The following CSMD1 variants were observed in gnomAD, a reference collection of about 807,000 sequenced individuals.
CSMD1 encodes CUB and Sushi multiple domains 1.
In CSMD1, 213 loss-of-function variants were observed where a neutral mutation model predicts 417.5. That is an observed-to-expected ratio of 0.51 (90% CI 0.46 to 0.57). The LOEUF is 0.57. Among genes scored for constraint, CSMD1 ranks in the 20% least tolerant of loss-of-function variants. The pLI is 0.00. For missense variants in CSMD1, 6,923 were observed against 4,529.7 expected, an observed-to-expected ratio of 1.53 and a Z score of -15.17; for synonymous variants, 2,862 against 1,736.8, an observed-to-expected ratio of 1.65 and a Z score of -16.11.
chr8:4,691,536 T>TA (rs1806770593), intron 1 of CSMD1, among the ~76,000 whole-genome samples: 1 of 152,170 alleles, frequency 6.6e-6, no homozygotes, highest in Admixed American at 6.5e-5. Flanking sequence ...ATGAAAAGGG[T>TA]TCTATAGAGC....
Position 3,284,312 on chromosome 8 carries a change from G to C in CSMD1, c.3985C>G (p.His1329Asp), listed in dbSNP as rs1312304242. 6.2e-7 allele frequency: 1 copy of C among 1,613,904 alleles called. No homozygotes were observed. Among genetic ancestry groups the C allele is most frequent in the Non-Finnish European group, 8.5e-7 (1 of 1,179,874 alleles). The change falls in exon 26 of 70, where the codon CAC (histidine) becomes GAC (aspartate). Residue 1329 changes from histidine (H) to aspartate (D), a missense_variant. His to Asp is a moderately conservative substitution (Grantham distance 81). Coordinates refer to ENST00000635120, the MANE Select transcript of CSMD1 (RefSeq NM_033225.6). ...CCGTCCCAGACCTTGAGGATGTCGTGAGCCATCTCCGTGTCGAAAACAATG... is the reference window on the plus strand; with the variant it reads ...CCGTCCCAGACCTTGAGGATGTCGTCAGCCATCTCCGTGTCGAAAACAATG... ...HFIVFDTEMA[H>D]DILKVWDGPV...
intron 3 of CSMD1, among the ~76,000 whole-genome samples, chr8:4,086,269 G>A (rs1585283665): frequency 6.6e-6 from 1 of 152,082 alleles, no homozygotes; most frequent in African/African-American, 2.4e-5. Flanking sequence ...ACCTCCAAGA[G>A]GGAGGGACTT....
chr8:3,742,564 T>G (rs1263670030), intron 6 of CSMD1, among the ~76,000 whole-genome samples: 1 of 152,112 alleles, frequency 6.6e-6, no homozygotes, highest in Non-Finnish European at 1.5e-5. Context: ...GTGAAGAAAG[T>G]GACGCATTGC....
chr8:4,127,079 G>A (rs1802808311), intron 3 of CSMD1, among the ~76,000 whole-genome samples: 2 of 121,126 alleles, frequency 1.7e-5, no homozygotes, highest in South Asian at 2.5e-4. Flanking sequence ...TCAATCTCCT[G>A]TGATTTTTTT....
intron 1 of CSMD1, among the ~76,000 whole-genome samples, chr8:4,846,774 T>C (rs1801171500): frequency 6.6e-6 from 1 of 152,220 alleles, no homozygotes; most frequent in Non-Finnish European, 1.5e-5. Flanking sequence ...ATCTTTTAAC[T>C]AAGTTAGAAA....
At chr8:3,687,537 A>G (rs765795015) in intron 7 of CSMD1, among the ~76,000 whole-genome samples, 5 of 152,222 alleles carry the variant, frequency 3.3e-5, no homozygotes, top group Admixed American at 1.3e-4. Context: ...TTTCTTCCAG[A>G]TATTCTCTGT....
chr8:3,233,657 C>CT (rs1179788721), intron 26 of CSMD1, among the ~76,000 whole-genome samples: 5 of 151,886 alleles, frequency 3.3e-5, no homozygotes, highest in South Asian at 2.1e-4. Flanking sequence ...TTTTTATTCT[C>CT]TTTTTTTTCA....
intron 1 of CSMD1, among the ~76,000 whole-genome samples, chr8:4,657,508 G>C (rs542202958): frequency 1.6e-3 from 239 of 152,038 alleles, no homozygotes; most frequent in Admixed American, 3.5e-3. Flanking sequence ...AGGGACAAAG[G>C]CTTCAAAGAA....
At chr8:3,347,623 C>A (rs71521846) in intron 22 of CSMD1, among the ~76,000 whole-genome samples, 1,803 of 152,296 alleles carry the variant, frequency 0.012, 18 homozygotes, top group Non-Finnish European at 0.017. Flanking sequence ...GTGCTAGACA[C>A]AATGCTAGGA....
At chr8:4,319,620 A>G (rs1263213294) in intron 3 of CSMD1, among the ~76,000 whole-genome samples, 1 of 152,146 alleles carries the variant, frequency 6.6e-6, no homozygotes, top group South Asian at 2.1e-4. Flanking sequence ...GAAGAAAACA[A>G]AAGGGTGAAT....
At chr8:3,107,829 T>G (rs186706134) in intron 44 of CSMD1, 31 bp from the exon 45 acceptor site, 2 of 1,382,268 alleles carry the variant, frequency 1.4e-6, no homozygotes, top group Middle Eastern at 1.8e-4. Context: ...ATAATAATAA[T>G]TGCAATTACA....
chr8:3,352,547 A>G (rs955220616), intron 21 of CSMD1, among the ~76,000 whole-genome samples: 4 of 152,164 alleles, frequency 2.6e-5, no homozygotes, highest in African/African-American at 9.7e-5. Flanking sequence ...TCTTATTACT[A>G]TTACATCATT....
chr8:3,816,018 A>T (rs918136982), intron 5 of CSMD1, among the ~76,000 whole-genome samples: 8 of 152,226 alleles, frequency 5.3e-5, no homozygotes, highest in Admixed American at 5.2e-4. Flanking sequence ...TGGCAGTAAG[A>T]TATTGTCTGT....
At chr8:3,789,266 C>G (rs1289669287) in intron 5 of CSMD1, among the ~76,000 whole-genome samples, 1 of 152,114 alleles carries the variant, frequency 6.6e-6, no homozygotes, top group Non-Finnish European at 1.5e-5. Flanking sequence ...GACTTCCCAG[C>G]CTCCTGAACT....
intron 26 of CSMD1, among the ~76,000 whole-genome samples, chr8:3,255,451 G>A (rs1008030223): frequency 6.6e-6 from 1 of 152,212 alleles, no homozygotes; most frequent in Non-Finnish European, 1.5e-5. Flanking sequence ...TGTTGTCTGT[G>A]CCCTGCCCCC....
intron 3 of CSMD1, among the ~76,000 whole-genome samples, chr8:4,070,337 T>A (rs1049223571): frequency 1.3e-5 from 2 of 152,134 alleles, no homozygotes; most frequent in Non-Finnish European, 2.9e-5. Flanking sequence ...GAAAATGTCT[T>A]CTTATATTAA....
intron 2 of CSMD1, among the ~76,000 whole-genome samples, chr8:4,475,938 T>C (rs1160775012): frequency 6.6e-6 from 1 of 152,162 alleles, no homozygotes. Flanking sequence ...GTTGGTGTTA[T>C]TGCTGTTGGT....
chr8:4,251,718 G>T (rs368406071), intron 3 of CSMD1, among the ~76,000 whole-genome samples: 1 of 152,080 alleles, frequency 6.6e-6, no homozygotes, highest in African/African-American at 2.4e-5. Flanking sequence ...TGTGTACCTA[G>T]TCCTGATGAG....
At chr8:4,813,867 G>A (rs80004172) in intron 1 of CSMD1, among the ~76,000 whole-genome samples, 2 of 152,130 alleles carry the variant, frequency 1.3e-5, no homozygotes, top group African/African-American at 2.4e-5. Flanking sequence ...CAGGTTTTGT[G>A]TGTTTTCCAT....
Sources: gnomAD v4.1 joint callset for allele counts (sites outside exome capture counted in the v4.1 genomes callset) on GRCh38, gnomAD v4.1.1 for gene constraint, MANE v1.5 for transcripts, NCBI Gene and HGNC (gene_info 2026-07-23, HGNC 2026-07-21) for gene names.